The following AHCY variants were observed in gnomAD, a reference collection of about 807,000 sequenced individuals.
The protein encoded by AHCY is adenosylhomocysteinase, also known as S-adenosyl-L-homocysteine hydrolase.
A neutral mutation model predicts 45.4 loss-of-function variants in AHCY; 24 were observed. The observed-to-expected ratio is 0.53, with a 90% confidence interval of 0.38 to 0.74. The LOEUF (loss-of-function observed/expected upper bound fraction) is 0.74, where lower values mean the gene tolerates loss of function less well. Among genes scored for constraint, AHCY ranks in the 30% least tolerant of loss-of-function variants. AHCY has a pLI of 0.00. For synonymous variants in AHCY, 245 were observed against 235.1 expected, an observed-to-expected ratio of 1.04 and a Z score of -0.39; for missense variants, 449 against 594.1, an observed-to-expected ratio of 0.76 and a Z score of 2.54.
chr20:34,284,119 A>C (rs1332285642), intron 9 of AHCY, among the ~76,000 whole-genome samples: 1 of 152,068 alleles, frequency 6.6e-6, no homozygotes, highest in Non-Finnish European at 1.5e-5. Flanking sequence ...CATCTTCATG[A>C]GTATGCAGAC....
At chr20:34,240,658 C>T in the AHCY span, among the ~76,000 whole-genome samples, 5 of 152,162 alleles carry the variant, frequency 3.3e-5, no homozygotes, top group African/African-American at 1.2e-4. Context: ...TTAACTCACC[C>T]GGAATTTCTG....
rs780757492 is a variant in AHCY, at chr20:34,290,605, T to C, written c.800A>G (p.Gln267Arg). The change falls in exon 7 of 10, where the codon CAG becomes CGG. Residue 267 changes from glutamine (Q) to arginine (R), a missense_variant. Coordinates refer to ENST00000217426, the MANE Select transcript of AHCY (RefSeq NM_000687.4). The surrounding 1 kb of genome is among the most constrained non-coding windows in gnomAD (Gnocchi z 4.5). ...GGTGGTGACAAAGATGTTGCCCTCC[T>C]GACAGGCCTCATCCATGGTGGTCAC... ...YEVTTMDEAC[Q>R]EGNIFVTTTG... The C allele has an allele frequency of 1.9e-6, 3 of 1,614,198 alleles. No individual in the cohort carries two copies. The highest frequency in any genetic ancestry group is 1.7e-5 in the Admixed American group (1 of 60,024).
intron 4 of AHCY, among the ~76,000 whole-genome samples, chr20:34,292,086 G>A (rs938919127): frequency 3.9e-5 from 6 of 152,188 alleles, no homozygotes; most frequent in Non-Finnish European, 7.3e-5. Context: ...TGCACTCTGC[G>A]TACCTGCTTT....
At chr20:34,291,778 T>C (rs1036538308) in intron 4 of AHCY, among the ~76,000 whole-genome samples, 2 of 152,194 alleles carry the variant, frequency 1.3e-5, no homozygotes, top group African/African-American at 4.8e-5. Context: ...TCACTGCCGC[T>C]GCTCTAGTCC....
chr20:34,239,902 A>G, the AHCY span, among the ~76,000 whole-genome samples: 1 of 152,216 alleles, frequency 6.6e-6, no homozygotes, highest in African/African-American at 2.4e-5. Context: ...CAGAGCCTCT[A>G]AGCTCCACAT....
At chr20:34,235,389 G>A in the AHCY span, among the ~76,000 whole-genome samples, 13 of 152,146 alleles carry the variant, frequency 8.5e-5, no homozygotes, top group African/African-American at 2.2e-4. Flanking sequence ...GCAGTGAGCC[G>A]AGATCATGCC....
At chr20:34,287,479 C>T (rs1219807472) in intron 8 of AHCY, among the ~76,000 whole-genome samples, 2 of 149,648 alleles carry the variant, frequency 1.3e-5, no homozygotes, top group Non-Finnish European at 3.0e-5. Flanking sequence ...CAACCTCCAC[C>T]TCCTGGGTTC....
chr20:34,245,371 G>C, the AHCY span, among the ~76,000 whole-genome samples: 1 of 148,880 alleles, frequency 6.7e-6, no homozygotes, highest in African/African-American at 2.5e-5. Context: ...CAAAGAGAAA[G>C]TCAGTACCAA....
intron 8 of AHCY, among the ~76,000 whole-genome samples, chr20:34,288,612 A>G (rs1300584224): frequency 6.6e-6 from 1 of 152,134 alleles, no homozygotes; most frequent in African/African-American, 2.4e-5. Context: ...TCAAGGCTGC[A>G]GTGTGCCATG....
chr20:34,305,043 G>A (rs944506284), upstream of AHCY, among the ~76,000 whole-genome samples: 3 of 150,678 alleles, frequency 2.0e-5, no homozygotes, highest in African/African-American at 4.9e-5. Flanking sequence ...CTGGCCGGGC[G>A]CGTGGCTCAC....
downstream of AHCY, among the ~76,000 whole-genome samples, chr20:34,279,744 ATGGGCCAT>A (rs1256061478): frequency 1.3e-5 from 2 of 152,210 alleles, no homozygotes; most frequent in East Asian, 3.9e-4. Flanking sequence ...CTCACTGATC[ATGGGCCAT>A]TGAGTGTGAC....
intron 5 of AHCY, 70 bp downstream of exon 5, chr20:34,291,349 A>G (rs772750478): frequency 2.2e-6 from 3 of 1,391,298 alleles, no homozygotes; most frequent in Non-Finnish European, 3.1e-6. Flanking sequence ...CTTCCTGGGC[A>G]CTCTTCTTCA....
At chr20:34,251,413 G>A in the AHCY span, among the ~76,000 whole-genome samples, 1 of 151,994 alleles carries the variant, frequency 6.6e-6, no homozygotes. Context: ...TGGGACTACA[G>A]GTGCCCGCCA....
At chr20:34,301,629 C>T in intron 1 of AHCY, 1 of 192,888 alleles carries the variant, frequency 5.2e-6, no homozygotes, top group African/African-American at 2.4e-5. Context: ...CCCAGCTAAG[C>T]TCCCCATCCC....
upstream of AHCY, among the ~76,000 whole-genome samples, chr20:34,305,369 A>G (rs1221144858): frequency 6.6e-6 from 1 of 152,046 alleles, no homozygotes; most frequent in Non-Finnish European, 1.5e-5. Context: ...TCTATGACAT[A>G]GTAAATGTAT....
In AHCY at chr20:34,290,785, G is replaced by C. The variant is rs989680443; in HGVS notation, c.712C>G (p.Arg238Gly). ...GGGTCAATCTCGGTGATGATGACGCGGGCTCCGAAACCCCGCAGGGCCTGG... is the reference window on the plus strand; with the variant it reads ...GGGTCAATCTCGGTGATGATGACGCCGGCTCCGAAACCCCGCAGGGCCTGG... ...CAQALRGFGA[R>G]VIITEIDPIN... The change falls in exon 6 of 10, where the codon CGC (arginine) becomes GGC (glycine). Residue 238 changes from arginine to glycine, a missense_variant. Coordinates refer to ENST00000217426, the MANE Select transcript of AHCY (RefSeq NM_000687.4). This position sits in a 1 kb window ranked among gnomAD's most constrained non-coding sequence, Gnocchi z 4.5. The C allele has an allele frequency of 6.2e-7, 1 of 1,613,904 alleles. No homozygotes were observed. The highest frequency in any genetic ancestry group is 1.1e-5 in the South Asian group (1 of 91,064).
chr20:34,257,328 A>T, the AHCY span, among the ~76,000 whole-genome samples: 2 of 151,886 alleles, frequency 1.3e-5, no homozygotes, highest in South Asian at 4.1e-4. Flanking sequence ...CAAGTGATCC[A>T]TTCGCTTCAG....
chr20:34,302,263 A>G (rs940268060), intron 1 of AHCY: 2 of 154,074 alleles, frequency 1.3e-5, no homozygotes, highest in African/African-American at 4.8e-5. Context: ...GGCCTCTCAA[A>G]GTGCTGGGAC....
intron 9 of AHCY, among the ~76,000 whole-genome samples, chr20:34,282,163 G>A (rs1313462661): frequency 6.6e-6 from 1 of 152,028 alleles, no homozygotes; most frequent in Non-Finnish European, 1.5e-5. Flanking sequence ...GATGGTGTGT[G>A]ACTTTGGACA....
Sources: allele counts gnomAD v4.1 joint callset (sites outside exome capture counted in the v4.1 genomes callset), GRCh38; gene constraint gnomAD v4.1.1; non-coding constraint Gnocchi (gnomAD v3.1); transcripts MANE v1.5; gene names NCBI Gene and HGNC (gene_info 2026-07-23, HGNC 2026-07-21).